The following SCFD1 variants were observed in gnomAD, a reference collection of about 807,000 sequenced individuals.
SCFD1 encodes the protein sec1 family domain containing 1, also known as sec1 family domain-containing protein 1.
In SCFD1, 37 loss-of-function variants were observed where a neutral mutation model predicts 103.2. The ratio of observed to expected loss-of-function variants is 0.36; its 90% CI spans 0.28 to 0.47. SCFD1 has a LOEUF of 0.47. SCFD1 is among the 20% of genes least tolerant of loss of function. SCFD1 has a pLI of 1.00. For synonymous variants in SCFD1, 264 were observed against 245.0 expected (o/e 1.08, Z -0.73); for missense variants, 639 against 761.2 (o/e 0.84, Z 1.89).
At chr14:30,710,789 T>TAAGA (rs1891817991) in intron 19 of SCFD1, among the ~76,000 whole-genome samples, 1 of 152,190 alleles carries the variant, frequency 6.6e-6, no homozygotes, top group African/African-American at 2.4e-5. Context: ...AACTGAGAGG[T>TAAGA]AAGAGGTATC....
chr14:30,688,517 AT>A, intron 14 of SCFD1, among the ~76,000 whole-genome samples: 1 of 88,082 alleles, frequency 1.1e-5, no homozygotes, highest in African/African-American at 7.2e-5. Flanking sequence ...GTGCATAAAT[AT>A]TTAGGATAGT....
At chr14:30,732,371 G>A (rs1044075169) in intron 23 of SCFD1, among the ~76,000 whole-genome samples, 4 of 152,126 alleles carry the variant, frequency 2.6e-5, no homozygotes, top group Admixed American at 6.5e-5. Context: ...CTCATCATAC[G>A]GGCAAAGCAT....
intron 23 of SCFD1, among the ~76,000 whole-genome samples, chr14:30,729,982 A>G (rs1171629702): frequency 3.9e-5 from 6 of 151,974 alleles, no homozygotes; most frequent in South Asian, 4.1e-4. Flanking sequence ...TACGTTAGGT[A>G]TATCTCCTAA....
At chr14:30,681,855 C>T (rs1889510388) in intron 14 of SCFD1, among the ~76,000 whole-genome samples, 1 of 152,058 alleles carries the variant, frequency 6.6e-6, no homozygotes. Context: ...GTGACTGTTT[C>T]GTATAGCAAC....
chr14:30,657,083 G>C (rs770400052), intron 10 of SCFD1, among the ~76,000 whole-genome samples: 7 of 151,892 alleles, frequency 4.6e-5, no homozygotes, highest in Non-Finnish European at 8.8e-5. Context: ...TACAGATCAC[G>C]GGTGCCTCAT....
At chr14:30,694,075 A>T (rs1890513304) in intron 14 of SCFD1, among the ~76,000 whole-genome samples, 1 of 152,200 alleles carries the variant, frequency 6.6e-6, no homozygotes, top group Admixed American at 6.5e-5. Flanking sequence ...AAAAAAACAA[A>T]AAGGACAATA....
intron 10 of SCFD1, among the ~76,000 whole-genome samples, chr14:30,656,937 G>C (rs1032893237): frequency 1.3e-5 from 2 of 152,120 alleles, no homozygotes; most frequent in Admixed American, 6.5e-5. Flanking sequence ...GTCTCAGTGG[G>C]ATTGGAGGTT....
intron 13 of SCFD1, 141 bp downstream of exon 13, chr14:30,674,138 T>G: frequency 3.2e-6 from 2 of 616,828 alleles, no homozygotes; most frequent in Non-Finnish European, 5.6e-6. Flanking sequence ...AGAACTAAAT[T>G]GTATTTAGCT....
chr14:30,700,215 T>C lies in SCFD1; in HGVS notation c.1367T>C (p.Leu456Ser), dbSNP rs747024328. 6.2e-7 allele frequency: 1 copy of C among 1,611,660 alleles called. No homozygotes were observed. The highest frequency in any genetic ancestry group is 8.5e-7 in the Non-Finnish European group (1 of 1,177,904). ...DAGTPEDKMRLFLIYYISTQQ... is the reference protein window; with the variant it reads ...DAGTPEDKMRSFLIYYISTQQ... Reference sequence around the variant, plus strand: ...GGAACTCCAGAAGATAAAATGAGGTTGTTTCTTATCTATTATATAAGCACA... The same window carrying C: ...GGAACTCCAGAAGATAAAATGAGGTCGTTTCTTATCTATTATATAAGCACA... The change falls in exon 16 of 25, where the codon TTG (leucine) becomes TCG (serine). Residue 456 changes from leucine (L) to serine (S), a missense_variant. Leu to Ser is a moderately radical substitution (Grantham distance 145). Transcript: ENST00000458591.
At position 30,653,525 on chromosome 14, in the gene SCFD1, C is replaced by G. The variant is rs1886602150; in HGVS notation, c.792C>G (p.Asn264Lys). The change falls in exon 10 of 25, where the codon AAC becomes AAG. Residue 264 changes from asparagine (N) to lysine (K), a missense_variant. Physicochemically the swap from Asn to Lys is moderately conservative, Grantham distance 94. Coordinates refer to ENST00000458591, the MANE Select transcript of SCFD1 (RefSeq NM_016106.4). The stretch of plus-strand genomic sequence containing the variant: ...CCTTATTAGTCCTTGTTGACAGAAA[C>G]ATAGATTTGGCAACTCCTTTACATC... Reference protein sequence around the residue: ...QRPLLVLVDRNIDLATPLHHT... With the variant: ...QRPLLVLVDRKIDLATPLHHT... 1.2e-6 allele frequency: 2 copies of G among 1,613,462 alleles called. No homozygotes were observed. The highest frequency in any genetic ancestry group is 4.5e-5 in the East Asian group (2 of 44,826).
chr14:30,683,620 A>G (rs2070339), intron 14 of SCFD1: 113,510 of 261,788 alleles, frequency 0.43, 29,052 homozygotes, highest in African/African-American at 0.79. Context: ...TGGCAGAGAC[A>G]GGAACTCGGG....
chr14:30,660,235 A>G lies in SCFD1; in HGVS notation c.855+6647A>G, dbSNP rs573733542. On this transcript the variant is annotated intron_variant, in intron 10 of 24. Coordinates refer to ENST00000458591, the MANE Select transcript of SCFD1 (RefSeq NM_016106.4). Reference sequence around the variant, plus strand: ...ATTGAAAGAATTAGGTCATTTTTCTATAGAATTTCCTACATTTTGGCATTT... The same window carrying G: ...ATTGAAAGAATTAGGTCATTTTTCTGTAGAATTTCCTACATTTTGGCATTT... Among the ~76,000 whole-genome samples the G allele has an allele frequency of 4.9e-4, 75 of 152,232 alleles. No homozygotes were observed. The South Asian group carries it at 0.013, about 27-fold the overall frequency.
intron 10 of SCFD1, among the ~76,000 whole-genome samples, chr14:30,666,728 T>C (rs1888009307): frequency 1.3e-5 from 2 of 152,246 alleles, no homozygotes; most frequent in South Asian, 2.1e-4. Flanking sequence ...ATATCATCAC[T>C]GATCCCACAG....
intron 7 of SCFD1, 33 bp from the exon 8 acceptor site, chr14:30,649,495 C>T (rs1886197617): frequency 6.9e-7 from 1 of 1,440,928 alleles, no homozygotes; most frequent in Admixed American, 1.9e-5. Flanking sequence ...AATTAAGAGC[C>T]AAGATCATTT....
chr14:30,647,342 G>T (rs1566593096), intron 7 of SCFD1, among the ~76,000 whole-genome samples: 1 of 151,882 alleles, frequency 6.6e-6, no homozygotes, highest in Non-Finnish European at 1.5e-5. Flanking sequence ...CAAATTGTAT[G>T]GCTCCCTCCT....
chr14:30,622,296 CCCGCT>C (rs1465888531), upstream of SCFD1: 3 of 1,593,052 alleles, frequency 1.9e-6, no homozygotes, highest in African/African-American at 4.0e-5. Context: ...ACGTCATCCC[CCCGCT>C]CCGCTCCCCA....
chr14:30,683,276 TGTCCACACTGG>T, intron 14 of SCFD1: 1 of 968,504 alleles, frequency 1.0e-6, no homozygotes, highest in Non-Finnish European at 1.5e-6. Context: ...TTACCCTGGG[TGTCCACACTGG>T]GATAGTAGCA....
chr14:30,683,093 C>G (rs1340225926), intron 14 of SCFD1: 6 of 1,337,674 alleles, frequency 4.5e-6, no homozygotes, highest in Non-Finnish European at 6.4e-6. Context: ...CTTGCAGATA[C>G]TTCTTAAAAG....
At chr14:30,664,079 G>A (rs976158113) in intron 10 of SCFD1, among the ~76,000 whole-genome samples, 1 of 152,074 alleles carries the variant, frequency 6.6e-6, no homozygotes, top group Non-Finnish European at 1.5e-5. Context: ...CTCCTCAAGT[G>A]GATCCCTGAC....
Sources: allele counts gnomAD v4.1 joint callset (sites outside exome capture counted in the v4.1 genomes callset), GRCh38; gene constraint gnomAD v4.1.1; transcripts MANE v1.5; gene names NCBI Gene and HGNC (gene_info 2026-07-23, HGNC 2026-07-21).